The following TCF7L2 variants were observed in gnomAD, a reference collection of about 807,000 sequenced individuals.
The protein encoded by TCF7L2 is transcription factor 7 like 2.
Under a neutral mutation model 77.9 loss-of-function variants are expected in TCF7L2, and 23 were observed. The ratio of observed to expected loss-of-function variants is 0.30; its 90% CI spans 0.21 to 0.42. The LOEUF (loss-of-function observed/expected upper bound fraction) is 0.42, where lower values mean the gene tolerates loss of function less well. Ranked by LOEUF, TCF7L2 falls within the 10% of genes least tolerant of loss-of-function variation. The pLI is 1.00. For missense variants in TCF7L2, 654 were observed against 793.1 expected, an observed-to-expected ratio of 0.82 and a Z score of 2.11; for synonymous variants, 413 against 340.2, an observed-to-expected ratio of 1.21 and a Z score of -2.36.
intron 5 of TCF7L2, among the ~76,000 whole-genome samples, chr10:113,072,652 G>A (rs926353817): frequency 1.3e-5 from 2 of 152,196 alleles, no homozygotes; most frequent in Non-Finnish European, 2.9e-5. Flanking sequence ...ACTACACCCA[G>A]CCAATCAGTT....
At chr10:113,127,799 A>G (rs1416084248) in intron 5 of TCF7L2, among the ~76,000 whole-genome samples, 1 of 151,184 alleles carries the variant, frequency 6.6e-6, no homozygotes, top group Non-Finnish European at 1.5e-5. Context: ...GAAATTCAAG[A>G]AATTTCCCTT....
At chr10:113,035,017 T>A (rs1564809433) in intron 4 of TCF7L2, among the ~76,000 whole-genome samples, 2 of 151,872 alleles carry the variant, frequency 1.3e-5, no homozygotes, top group African/African-American at 4.8e-5. Context: ...CCTTCCTTTC[T>A]TTTCTCTCTT....
intron 4 of TCF7L2, among the ~76,000 whole-genome samples, chr10:113,026,757 C>G (rs2049250425): frequency 6.6e-6 from 1 of 152,144 alleles, no homozygotes; most frequent in Non-Finnish European, 1.5e-5. Context: ...CCTGGGAGCT[C>G]TAGAAGTGGA....
At chr10:113,119,695 G>A (rs1307235596) in intron 5 of TCF7L2, among the ~76,000 whole-genome samples, 2 of 151,116 alleles carry the variant, frequency 1.3e-5, no homozygotes, top group African/African-American at 2.4e-5. Context: ...AAAACTTATC[G>A]AAGGTTTCAA....
chr10:112,996,342 G>A (rs1008605301), intron 4 of TCF7L2, among the ~76,000 whole-genome samples: 2 of 152,190 alleles, frequency 1.3e-5, no homozygotes, highest in African/African-American at 4.8e-5. Context: ...TTTCGGTGAT[G>A]CCCGAGGAGA....
chr10:113,085,746 A>C (rs917969760), intron 5 of TCF7L2, among the ~76,000 whole-genome samples: 2 of 152,170 alleles, frequency 1.3e-5, no homozygotes, highest in Non-Finnish European at 2.9e-5. Context: ...CTGTCAGTCT[A>C]CCTTCTCTCT....
At chr10:113,050,011 C>T (rs1038716564) in intron 5 of TCF7L2, among the ~76,000 whole-genome samples, 1 of 152,180 alleles carries the variant, frequency 6.6e-6, no homozygotes, top group African/African-American at 2.4e-5. Context: ...TGTGCCACAT[C>T]TGAGCCCTGC....
chr10:112,955,510 C>T (rs1490230659), intron 3 of TCF7L2, among the ~76,000 whole-genome samples: 1 of 152,182 alleles, frequency 6.6e-6, no homozygotes, highest in African/African-American at 2.4e-5. Flanking sequence ...CAGAAACAAA[C>T]TCAGGCATTT....
intron 4 of TCF7L2, among the ~76,000 whole-genome samples, chr10:112,971,107 T>C (rs1349780594): frequency 2.0e-5 from 3 of 152,190 alleles, no homozygotes; most frequent in Non-Finnish European, 4.4e-5. Flanking sequence ...GCATCTAATG[T>C]GTGCCAGGCC....
At chr10:113,020,096 G>A (rs565274055) in intron 4 of TCF7L2, among the ~76,000 whole-genome samples, 1 of 152,202 alleles carries the variant, frequency 6.6e-6, no homozygotes. Context: ...AAGCTTTTTA[G>A]AAGTGAGTGT....
intron 5 of TCF7L2, among the ~76,000 whole-genome samples, chr10:113,055,114 C>T (rs2055158531): frequency 6.6e-6 from 1 of 152,142 alleles, no homozygotes; most frequent in Non-Finnish European, 1.5e-5. Context: ...ATGAGTTTCT[C>T]TAGGATTCAT....
chr10:113,165,925 G>A lies in TCF7L2; in HGVS notation c.1762G>A (p.Gly588Arg), dbSNP rs375473698. Reference sequence around the variant, plus strand: ...CTTACATTCCCACAGCTCCCTGGCCGGGACCCAGCCCCAGCCGCTGTCGCT... The same window carrying A: ...CTTACATTCCCACAGCTCCCTGGCCAGGACCCAGCCCCAGCCGCTGTCGCT... Residue 588 changes from glycine (G) to arginine (R), a missense_variant, in exon 14 of 14, where the codon GGG becomes AGG. Gly to Arg is a moderately radical substitution (Grantham distance 125). Around this residue, in one of 6 missense-constraint regions of TCF7L2, gnomAD observed 272 missense variants for 215.4 expected, o/e 1.26. Coordinates refer to ENST00000627217, the MANE Select transcript of TCF7L2 (RefSeq NM_001146274.2). The A allele has an allele frequency of 9.6e-6, 15 of 1,566,998 alleles. No homozygotes were observed. Among genetic ancestry groups the A allele is most frequent in the East Asian group, 4.5e-5 (2 of 44,220 alleles).
intron 3 of TCF7L2, among the ~76,000 whole-genome samples, chr10:112,959,402 T>C (rs1417328325): frequency 6.6e-6 from 1 of 152,184 alleles, no homozygotes; most frequent in Admixed American, 6.5e-5. Flanking sequence ...TCATAGCTGA[T>C]GGTTTCAGGT....
intron 5 of TCF7L2, among the ~76,000 whole-genome samples, chr10:113,049,709 A>C (rs934415317): frequency 2.6e-5 from 4 of 152,132 alleles, no homozygotes; most frequent in African/African-American, 9.7e-5. Flanking sequence ...AGTCGGGATA[A>C]ATTTTATCTC....
At chr10:113,116,257 G>C (rs2063722940) in intron 5 of TCF7L2, among the ~76,000 whole-genome samples, 1 of 152,072 alleles carries the variant, frequency 6.6e-6, no homozygotes, top group Admixed American at 6.5e-5. Context: ...GTTTGAACTT[G>C]TGTTTGAAAA....
At chr10:112,965,990 A>G (rs916055237) in intron 4 of TCF7L2, among the ~76,000 whole-genome samples, 15 of 151,454 alleles carry the variant, frequency 9.9e-5, no homozygotes, top group Non-Finnish European at 2.9e-5. Context: ...CCTGGCCAAC[A>G]TGGTGAAACC....
intron 5 of TCF7L2, 50 bp from the exon 6 acceptor site, chr10:113,141,134 G>A: frequency 6.2e-7 from 1 of 1,605,410 alleles, no homozygotes; most frequent in Non-Finnish European, 8.5e-7. Flanking sequence ...TGAAGCCCTG[G>A]GCTGCTGGAA....
intron 5 of TCF7L2, among the ~76,000 whole-genome samples, chr10:113,080,687 A>G (rs1250411627): frequency 6.6e-6 from 1 of 152,196 alleles, no homozygotes; most frequent in Non-Finnish European, 1.5e-5. Flanking sequence ...TTTATGCAAT[A>G]ATTTAGTGTT....
At chr10:113,024,977 G>C (rs1179621104) in intron 4 of TCF7L2, among the ~76,000 whole-genome samples, 1 of 152,176 alleles carries the variant, frequency 6.6e-6, no homozygotes, top group East Asian at 1.9e-4. Flanking sequence ...GCATGAAACA[G>C]AGTTTTGACT....
Sources: allele counts gnomAD v4.1 joint callset (sites outside exome capture counted in the v4.1 genomes callset), GRCh38; gene constraint gnomAD v4.1.1; regional missense constraint gnomAD v4.1.1; transcripts MANE v1.5; gene names NCBI Gene and HGNC (gene_info 2026-07-23, HGNC 2026-07-21).